The following MACROD2 variants were observed in gnomAD, a reference collection of about 807,000 sequenced individuals.
The protein encoded by MACROD2 is ADP-ribose glycohydrolase MACROD2.
A neutral mutation model predicts 70.4 loss-of-function variants in MACROD2; 36 were observed. The ratio of observed to expected loss-of-function variants is 0.51; its 90% CI spans 0.39 to 0.68. The LOEUF is 0.68. MACROD2 is among the 30% of genes least tolerant of loss of function. MACROD2 has a pLI of 0.00. For synonymous variants in MACROD2, 172 were observed against 178.8 expected (o/e 0.96, Z 0.30); for missense variants, 496 against 538.4 (o/e 0.92, Z 0.78).
chr20:14,814,824 TA>T (rs560635935), intron 5 of MACROD2, among the ~76,000 whole-genome samples: 2 of 151,514 alleles, frequency 1.3e-5, no homozygotes, highest in Non-Finnish European at 2.9e-5. Context: ...TGATAAAAGT[TA>T]AAAAAAAGAG....
In MACROD2 at chr20:14,463,223, T is replaced by C. The variant is rs540642854; in HGVS notation, c.272-30256T>C. ...TCTTTTATTTCATTGAGCAGTGGTT[T>C]GTAGTTCTCCTTGAAGAGGTCCTTC... On this transcript the variant is annotated intron_variant, in intron 3 of 17. Transcript: ENST00000684519. Among the ~76,000 whole-genome samples, 424 of 152,134 alleles carry C rather than the reference T, an allele frequency of 2.8e-3. 2 individuals are homozygous for C. Among genetic ancestry groups the C allele is most frequent in the Non-Finnish European group, 3.7e-3 (254 of 68,022 alleles).
At chr20:16,000,527 A>G (rs1405714708) in intron 15 of MACROD2, among the ~76,000 whole-genome samples, 1 of 152,100 alleles carries the variant, frequency 6.6e-6, no homozygotes, top group African/African-American at 2.4e-5. Context: ...CCTTACTTTG[A>G]CTTGGCTTTA....
At chr20:14,569,777 G>A (rs1980061919) in intron 4 of MACROD2, among the ~76,000 whole-genome samples, 1 of 151,878 alleles carries the variant, frequency 6.6e-6, no homozygotes, top group African/African-American at 2.4e-5. Flanking sequence ...AGCATAGACT[G>A]TGAAGCGTAG....
chr20:15,324,863 C>A (rs182560225), intron 6 of MACROD2, among the ~76,000 whole-genome samples: 6 of 152,304 alleles, frequency 3.9e-5, no homozygotes, highest in Admixed American at 2.0e-4. Flanking sequence ...AGTCTTATTA[C>A]ACTCTGAAAA....
intron 3 of MACROD2, among the ~76,000 whole-genome samples, chr20:14,087,132 T>C (rs551448243): frequency 6.6e-6 from 1 of 152,160 alleles, no homozygotes; most frequent in South Asian, 2.1e-4. Flanking sequence ...CGGTGGCTCA[T>C]GCCTGTAAGC....
chr20:14,426,227 C>T (rs371549644), intron 3 of MACROD2, among the ~76,000 whole-genome samples: 11 of 152,158 alleles, frequency 7.2e-5, no homozygotes, highest in African/African-American at 2.6e-4. Flanking sequence ...TTCTTTCTTA[C>T]ATTTGATCTC....
At chr20:14,633,820 G>T (rs372864066) in intron 4 of MACROD2, among the ~76,000 whole-genome samples, 1 of 152,240 alleles carries the variant, frequency 6.6e-6, no homozygotes, top group African/African-American at 2.4e-5. Context: ...AAAGACTGGG[G>T]TATCATCATA....
chr20:15,254,516 C>T (rs1239167975), intron 6 of MACROD2, among the ~76,000 whole-genome samples: 1 of 152,110 alleles, frequency 6.6e-6, no homozygotes, highest in Admixed American at 6.6e-5. Context: ...GGGAGCCCCA[C>T]TTTTCTCATC....
intron 6 of MACROD2, among the ~76,000 whole-genome samples, chr20:15,429,376 T>C (rs2046337593): frequency 6.6e-6 from 1 of 152,164 alleles, no homozygotes; most frequent in Admixed American, 6.6e-5. Context: ...CAGAAACTGT[T>C]CTACTTTCTC....
In MACROD2 at chr20:14,109,829, A is replaced by G. The variant is rs1447791373; in HGVS notation, c.271+24101A>G. Among the ~76,000 whole-genome samples, 3 of 151,822 alleles carry G rather than the reference A, an allele frequency of 2.0e-5. No individual in the cohort carries two copies. The East Asian group carries it at 5.8e-4, about 29-fold the overall frequency. ...AATTCTACTAAACATTTAAAAAAGA[A>G]TGAATACCAATCCTACTCAAACTCT... On this transcript the variant is annotated intron_variant, in intron 3 of 17. Coordinates refer to ENST00000684519, the MANE Select transcript of MACROD2 (RefSeq NM_001351661.2).
intron 5 of MACROD2, among the ~76,000 whole-genome samples, chr20:14,939,222 T>G (rs891207177): frequency 6.6e-6 from 1 of 152,132 alleles, no homozygotes; most frequent in Non-Finnish European, 1.5e-5. Context: ...CTTTTATAGT[T>G]TCAGGTCTTA....
intron 5 of MACROD2, among the ~76,000 whole-genome samples, chr20:15,069,058 A>G (rs1331682305): frequency 6.6e-6 from 1 of 152,164 alleles, no homozygotes; most frequent in African/African-American, 2.4e-5. Flanking sequence ...GAACTAGTGT[A>G]GAGAACAAGG....
intron 13 of MACROD2, among the ~76,000 whole-genome samples, chr20:15,980,644 A>G (rs1287346164): frequency 1.3e-5 from 2 of 152,194 alleles, no homozygotes; most frequent in Non-Finnish European, 1.5e-5. Flanking sequence ...AATCTGTGCT[A>G]CACTTGTACA....
Position 14,512,717 on chromosome 20 carries a change from G to A in MACROD2, c.301+19209G>A, listed in dbSNP as rs574020926. On this transcript the variant is annotated intron_variant, in intron 4 of 17. Transcript: ENST00000684519. ...AGGAGATGCTCTTGTTGGAAACTAA[G>A]ATTTTTTTGTCCTCTCGTGCCTCAC... Among the ~76,000 whole-genome samples the A allele has an allele frequency of 1.4e-4, 21 of 152,186 alleles. No homozygotes were observed. The East Asian group carries it at 4.1e-3, about 29-fold the overall frequency.
At chr20:15,994,101 A>G (rs1182114345) in intron 15 of MACROD2, among the ~76,000 whole-genome samples, 4 of 152,116 alleles carry the variant, frequency 2.6e-5, no homozygotes, top group Non-Finnish European at 4.4e-5. Flanking sequence ...CTTATTTGTT[A>G]TTGTTCACTA....
chr20:14,900,646 G>T (rs2073884384), intron 5 of MACROD2, among the ~76,000 whole-genome samples: 1 of 151,796 alleles, frequency 6.6e-6, no homozygotes, highest in Non-Finnish European at 1.5e-5. Context: ...TGCGAGGTCA[G>T]TAGTAATGTC....
At chr20:15,758,494 C>A (rs1420731985) in intron 8 of MACROD2, among the ~76,000 whole-genome samples, 1 of 151,648 alleles carries the variant, frequency 6.6e-6, no homozygotes, top group Admixed American at 6.6e-5. Flanking sequence ...ACTGCCTCAG[C>A]CTCCCAAAGT....
intron 10 of MACROD2, among the ~76,000 whole-genome samples, chr20:15,917,409 C>T (rs1455818896): frequency 2.0e-5 from 3 of 152,134 alleles, no homozygotes; most frequent in African/African-American, 4.8e-5. Context: ...CTATGCCTCA[C>T]GTGAATAACA....
At chr20:15,389,862 G>C (rs2045768972) in intron 6 of MACROD2, among the ~76,000 whole-genome samples, 1 of 152,202 alleles carries the variant, frequency 6.6e-6, no homozygotes, top group South Asian at 2.1e-4. Flanking sequence ...AGGGAGTTCA[G>C]TGTTGCCTTA....
Sources: gnomAD v4.1 joint callset for allele counts (sites outside exome capture counted in the v4.1 genomes callset) on GRCh38, gnomAD v4.1.1 for gene constraint, MANE v1.5 for transcripts, NCBI Gene and HGNC (gene_info 2026-07-23, HGNC 2026-07-21) for gene names.